Variants in GULP1 observed in about 807,000 individuals in gnomAD.
The protein encoded by GULP1 is PTB domain-containing engulfment adapter protein 1.
GULP1 carries 19 observed loss-of-function variants against 40.9 expected under a neutral mutation model. That is an observed-to-expected ratio of 0.46 (90% CI 0.32 to 0.68). The LOEUF (loss-of-function observed/expected upper bound fraction) is 0.68. Ranked by LOEUF, GULP1 falls within the 30% of genes least tolerant of loss-of-function variation. The pLI, the probability that GULP1 is intolerant of heterozygous loss-of-function variation, is 0.03. For synonymous variants in GULP1, 119 were observed against 117.6 expected (o/e 1.01, Z -0.08); for missense variants, 312 against 362.2 (o/e 0.86, Z 1.12).
At chr2:188,587,725 C>T (rs1443448137) in intron 10 of GULP1, 130 bp from the exon 11 acceptor site, 1 of 594,366 alleles carries the variant, frequency 1.7e-6, no homozygotes, top group Non-Finnish European at 3.1e-6. Flanking sequence ...GCCCAACATA[C>T]AGTGTAAGTG....
intron 1 of GULP1, among the ~76,000 whole-genome samples, chr2:188,335,919 A>T (rs1018814729): frequency 1.3e-5 from 2 of 152,218 alleles, no homozygotes; most frequent in African/African-American, 2.4e-5. Flanking sequence ...TCTGATTTAG[A>T]TTATGTTACA....
intron 2 of GULP1, chr2:188,466,713 A>G (rs1328409718): frequency 6.6e-6 from 1 of 151,920 alleles, no homozygotes; most frequent in Non-Finnish European, 1.5e-5. Flanking sequence ...TGGTTACTTT[A>G]TAAGTCATGT....
At chr2:188,569,610 T>C (rs1161498981) in intron 8 of GULP1, 1 of 434,776 alleles carries the variant, frequency 2.3e-6, no homozygotes, top group Non-Finnish European at 4.1e-6. Flanking sequence ...ATGCTTCTCA[T>C]GGGGATCAGA....
intron 11 of GULP1, chr2:188,591,380 G>T (rs1256533674): frequency 6.6e-6 from 1 of 151,952 alleles, no homozygotes; most frequent in Non-Finnish European, 1.5e-5. Flanking sequence ...AGGGTAGCTT[G>T]TTATTAATAC....
intron 2 of GULP1, among the ~76,000 whole-genome samples, chr2:188,411,450 C>A (rs1304966694): frequency 6.6e-6 from 1 of 152,108 alleles, no homozygotes; most frequent in Non-Finnish European, 1.5e-5. Flanking sequence ...TCCATCCCTG[C>A]CATCATGGCC....
intron 1 of GULP1, among the ~76,000 whole-genome samples, chr2:188,317,104 T>C (rs2039203741): frequency 6.6e-6 from 1 of 152,132 alleles, no homozygotes; most frequent in African/African-American, 2.4e-5. Context: ...TCATAGACAT[T>C]AGCAGAAAAC....
chr2:188,522,919 G>T (rs1685210344), intron 5 of GULP1, 92 bp downstream of exon 5: 2 of 772,540 alleles, frequency 2.6e-6, no homozygotes, highest in Admixed American at 3.6e-5. Context: ...CAGCTTTGCT[G>T]CAGGTATAGC....
chr2:188,376,404 A>T (rs2048304692), intron 1 of GULP1, among the ~76,000 whole-genome samples: 1 of 152,204 alleles, frequency 6.6e-6, no homozygotes, highest in South Asian at 2.1e-4. Flanking sequence ...TAATAATGAC[A>T]TTAAGGGAAA....
In GULP1 at chr2:188,522,812, T is replaced by A; in HGVS notation, c.147T>A (p.Ala49=). ...QPKGTEVVRD[A]VRKLKFARHI... ...AAGGAACAGAAGTTGTGAGAGATGC[T>A]GTAAGGAAACTAAAGGTAGGGAAAG... The change falls in exon 5 of 12, where the codon GCT becomes GCA. Residue 49 remains alanine, a synonymous_variant. Transcript: ENST00000409830. 1 of 1,607,952 alleles carries A rather than the reference T, an allele frequency of 6.2e-7. No homozygotes were observed. The highest frequency in any genetic ancestry group is 8.5e-7 in the Non-Finnish European group (1 of 1,174,702).
intron 2 of GULP1, among the ~76,000 whole-genome samples, chr2:188,386,960 G>A (rs2049852097): frequency 6.6e-6 from 1 of 152,098 alleles, no homozygotes; most frequent in African/African-American, 2.4e-5. Context: ...TTATATGGCC[G>A]AGTGTGGTGG....
At chr2:188,501,702 A>G (rs1451627789) in intron 4 of GULP1, among the ~76,000 whole-genome samples, 1 of 151,840 alleles carries the variant, frequency 6.6e-6, no homozygotes, top group East Asian at 1.9e-4. Context: ...GGGATTGATG[A>G]CTCTTGGTCC....
intron 2 of GULP1, among the ~76,000 whole-genome samples, chr2:188,413,923 T>G (rs2054233631): frequency 1.3e-5 from 2 of 152,110 alleles, no homozygotes; most frequent in Non-Finnish European, 2.9e-5. Flanking sequence ...AGTGTTGCCT[T>G]GTAAAAATGG....
At chr2:188,478,264 A>G (rs923204596) in intron 3 of GULP1, among the ~76,000 whole-genome samples, 25 of 152,174 alleles carry the variant, frequency 1.6e-4, no homozygotes, top group African/African-American at 5.8e-4. Context: ...AGTGATCACT[A>G]TAGGACTGAA....
At chr2:188,399,107 C>G (rs1420085195) in intron 2 of GULP1, among the ~76,000 whole-genome samples, 1 of 152,168 alleles carries the variant, frequency 6.6e-6, no homozygotes, top group Non-Finnish European at 1.5e-5. Context: ...GTCTCTTATT[C>G]TTAGATCACA....
chr2:188,362,803 A>T (rs1456184386), intron 1 of GULP1, among the ~76,000 whole-genome samples: 1 of 152,028 alleles, frequency 6.6e-6, no homozygotes, highest in Non-Finnish European at 1.5e-5. Context: ...ACTGGCCAAG[A>T]GAGTAAAACA....
chr2:188,473,939 C>G (rs1322359016), intron 2 of GULP1, among the ~76,000 whole-genome samples: 1 of 152,148 alleles, frequency 6.6e-6, no homozygotes, highest in Non-Finnish European at 1.5e-5. Context: ...TGATGTACCA[C>G]CTGAGTATTA....
chr2:188,492,890 T>G (rs935171471), intron 4 of GULP1, among the ~76,000 whole-genome samples: 7 of 152,080 alleles, frequency 4.6e-5, no homozygotes, highest in Non-Finnish European at 8.8e-5. Flanking sequence ...TTGACAGTAA[T>G]GCATATCATA....
chr2:188,513,956 G>A (rs578246068), intron 4 of GULP1, among the ~76,000 whole-genome samples: 23 of 151,136 alleles, frequency 1.5e-4, no homozygotes, highest in African/African-American at 4.9e-4. Context: ...TATCTGCGTG[G>A]GTTTTCTCTG....
intron 1 of GULP1, among the ~76,000 whole-genome samples, chr2:188,324,818 A>C (rs1018030593): frequency 1.7e-4 from 26 of 151,958 alleles, no homozygotes; most frequent in Non-Finnish European, 4.4e-5. Flanking sequence ...ACATCATGAT[A>C]AAACTACAGA....
Sources: allele counts gnomAD v4.1 joint callset (sites outside exome capture counted in the v4.1 genomes callset), GRCh38; gene constraint gnomAD v4.1.1; transcripts MANE v1.5; gene names NCBI Gene and HGNC (gene_info 2026-07-23, HGNC 2026-07-21).